Variants in LOC128125817 observed in about 807,000 individuals in gnomAD.
the LOC128125817 span, among the ~76,000 whole-genome samples, chr1:41,593,658 G>A: frequency 6.6e-6 from 1 of 152,322 alleles, no homozygotes; most frequent in Non-Finnish European, 1.5e-5. Flanking sequence ...CTAACCTCCT[G>A]CCTATCTGGA....
chr1:41,602,922 C>T, the LOC128125817 span, among the ~76,000 whole-genome samples: 10 of 151,936 alleles, frequency 6.6e-5, no homozygotes, highest in East Asian at 1.9e-3. Context: ...TTTTTGTTTT[C>T]ATTTCTCTTG....
the LOC128125817 span, chr1:41,628,774 G>T: frequency 1.6e-6 from 2 of 1,232,128 alleles, no homozygotes; most frequent in Non-Finnish European, 2.0e-6. Context: ...CACTTCCGAT[G>T]ACCAAAACTG....
At chr1:41,590,492 T>G in the LOC128125817 span, among the ~76,000 whole-genome samples, 1 of 152,162 alleles carries the variant, frequency 6.6e-6, no homozygotes, top group Non-Finnish European at 1.5e-5. Flanking sequence ...ATGGATGTGG[T>G]GGGGGTGAGC....
At chr1:41,625,162 CAAAAAAAAAAAAAAAA>C in the LOC128125817 span, among the ~76,000 whole-genome samples, 12 of 71,274 alleles carry the variant, frequency 1.7e-4, no homozygotes, top group African/African-American at 4.7e-4. Context: ...GATTCCAACT[CAAAAAAAAAAAAAAAA>C]AAAAAAAAAA....
At chr1:41,612,083 C>T in the LOC128125817 span, among the ~76,000 whole-genome samples, 1 of 151,914 alleles carries the variant, frequency 6.6e-6, no homozygotes, top group Non-Finnish European at 1.5e-5. Context: ...CCACCTTCCT[C>T]CTCCCACTCC....
At chr1:41,587,697 T>C in the LOC128125817 span, among the ~76,000 whole-genome samples, 32 of 152,310 alleles carry the variant, frequency 2.1e-4, no homozygotes, top group African/African-American at 7.7e-4. Flanking sequence ...TTCCTCTCAC[T>C]TGACAGAAGA....
chr1:41,607,206 A>G, the LOC128125817 span, among the ~76,000 whole-genome samples: 6 of 152,098 alleles, frequency 3.9e-5, no homozygotes, highest in African/African-American at 1.2e-4. Context: ...TGTGGCTTCT[A>G]GTTCTAGATC....
the LOC128125817 span, among the ~76,000 whole-genome samples, chr1:41,590,590 C>T: frequency 6.6e-6 from 1 of 152,184 alleles, no homozygotes; most frequent in Non-Finnish European, 1.5e-5. Flanking sequence ...GCCACCTGCC[C>T]CTGAGAGAGA....
At chr1:41,587,934 G>T in the LOC128125817 span, among the ~76,000 whole-genome samples, 1 of 152,216 alleles carries the variant, frequency 6.6e-6, no homozygotes, top group African/African-American at 2.4e-5. Context: ...TCCACGGCAA[G>T]AGGGAGTAAG....
At chr1:41,621,395 C>T in the LOC128125817 span, among the ~76,000 whole-genome samples, 9 of 152,248 alleles carry the variant, frequency 5.9e-5, no homozygotes, top group African/African-American at 2.2e-4. Context: ...ATGAAAACTT[C>T]GCCCTGCTTT....
chr1:41,590,497 G>A, the LOC128125817 span, among the ~76,000 whole-genome samples: 2 of 152,218 alleles, frequency 1.3e-5, no homozygotes, highest in African/African-American at 4.8e-5. Flanking sequence ...TGTGGTGGGG[G>A]TGAGCCAACT....
chr1:41,606,860 GT>G, the LOC128125817 span, among the ~76,000 whole-genome samples: 2 of 149,610 alleles, frequency 1.3e-5, no homozygotes, highest in Admixed American at 6.6e-5. Context: ...CTCTCTGGAA[GT>G]TTTTTGTTTT....
the LOC128125817 span, among the ~76,000 whole-genome samples, chr1:41,611,564 C>T: frequency 1.3e-5 from 2 of 152,248 alleles, no homozygotes; most frequent in Non-Finnish European, 2.9e-5. Flanking sequence ...ACACATTCAA[C>T]AAAGAGTGAG....
chr1:41,587,711 T>G, the LOC128125817 span, among the ~76,000 whole-genome samples: 6 of 152,206 alleles, frequency 3.9e-5, no homozygotes, highest in Middle Eastern at 3.2e-3. Flanking sequence ...CAGAAGAGAC[T>G]GAAGGCTAGA....
chr1:41,598,096 G>C, the LOC128125817 span, among the ~76,000 whole-genome samples: 7 of 152,208 alleles, frequency 4.6e-5, no homozygotes, highest in Non-Finnish European at 8.8e-5. Context: ...TCCAGGAAGT[G>C]CTTGTGGGTG....
the LOC128125817 span, among the ~76,000 whole-genome samples, chr1:41,625,162 C>CAAAAAAAA: frequency 1.5e-4 from 11 of 71,274 alleles, no homozygotes; most frequent in Admixed American, 6.9e-4. Context: ...GATTCCAACT[C>CAAAAAAAA]AAAAAAAAAA....
chr1:41,588,420 C>G, the LOC128125817 span, among the ~76,000 whole-genome samples: 1 of 152,124 alleles, frequency 6.6e-6, no homozygotes, highest in Non-Finnish European at 1.5e-5. Flanking sequence ...CAGGACTCTA[C>G]ATTGCTTAGT....
chr1:41,628,720 C>T, the LOC128125817 span: 1 of 1,226,764 alleles, frequency 8.2e-7, no homozygotes, highest in Non-Finnish European at 1.0e-6. Flanking sequence ...GCCTGGCAAG[C>T]ATATTCAGCA....
the LOC128125817 span, among the ~76,000 whole-genome samples, chr1:41,601,578 A>G: frequency 1.3e-5 from 2 of 152,130 alleles, no homozygotes; most frequent in Admixed American, 6.5e-5. Context: ...AATGCCACTG[A>G]TTTTTGTAAA....
Sources: allele counts gnomAD v4.1 joint callset (sites outside exome capture counted in the v4.1 genomes callset), GRCh38; gene constraint gnomAD v4.1.1; transcripts MANE v1.5.